Variants in PLXNA4 observed in about 807,000 individuals in gnomAD.
PLXNA4 encodes the protein plexin A4.
Under a neutral mutation model 191.8 loss-of-function variants are expected in PLXNA4, and 44 were observed. The observed-to-expected ratio is 0.23, with a 90% CI of 0.18 to 0.29. PLXNA4 has a LOEUF of 0.29. Among genes scored for constraint, PLXNA4 ranks in the 10% least tolerant of loss-of-function variants. The pLI, the probability that PLXNA4 is intolerant of heterozygous loss-of-function variation, is 1.00. For synonymous variants in PLXNA4, 1,082 were observed against 1,009.5 expected (o/e 1.07, Z -1.36); for missense variants, 1,800 against 2,488.8 (o/e 0.72, Z 5.89).
At chr7:132,535,520 G>C (rs1799797932) in intron 1 of PLXNA4, among the ~76,000 whole-genome samples, 1 of 152,148 alleles carries the variant, frequency 6.6e-6, no homozygotes, top group Non-Finnish European at 1.5e-5. Flanking sequence ...CAGCTGCAGA[G>C]TTGGGGCTCC....
intron 3 of PLXNA4, among the ~76,000 whole-genome samples, chr7:132,307,436 T>C (rs28434396): frequency 0.42 from 63,572 of 152,054 alleles, 13,446 homozygotes; most frequent in South Asian, 0.54. Flanking sequence ...ACCCTTGAAC[T>C]GTGCCACAGA....
intron 4 of PLXNA4, among the ~76,000 whole-genome samples, chr7:132,242,384 G>T (rs1189591844): frequency 1.3e-5 from 2 of 152,082 alleles, no homozygotes. Flanking sequence ...CTGTTTTATG[G>T]GGCATGTGCC....
chr7:132,137,711 G>A (rs1223997702), intron 30 of PLXNA4, among the ~76,000 whole-genome samples: 1 of 141,216 alleles, frequency 7.1e-6, no homozygotes, highest in Non-Finnish European at 1.6e-5. Context: ...TGGGTGGGGA[G>A]ATGGTGGGAG....
At chr7:132,402,914 GTGT>G in intron 3 of PLXNA4, among the ~76,000 whole-genome samples, 1 of 152,372 alleles carries the variant, frequency 6.6e-6, no homozygotes, top group South Asian at 2.1e-4. Context: ...CAGAGAGCTA[GTGT>G]TGAAGAGCTC....
chr7:132,221,574 G>A (rs1344420342), intron 9 of PLXNA4, among the ~76,000 whole-genome samples: 1 of 152,192 alleles, frequency 6.6e-6, no homozygotes, highest in Non-Finnish European at 1.5e-5. Flanking sequence ...AGACTGTGCA[G>A]CCTTTTATCA....
At chr7:132,159,360 C>T in intron 25 of PLXNA4, 113 bp downstream of exon 25, 1 of 1,504,534 alleles carries the variant, frequency 6.6e-7, no homozygotes. Context: ...TCCCTCCAGC[C>T]AGTGATTATT....
intron 4 of PLXNA4, among the ~76,000 whole-genome samples, chr7:132,275,404 G>A (rs190230076): frequency 1.3e-5 from 2 of 152,138 alleles, no homozygotes; most frequent in East Asian, 3.9e-4. Context: ...TTTATTACAT[G>A]TCTAGTTTCA....
rs1390697952 is a variant in PLXNA4, at chr7:132,329,019, C to T, written c.1372-30797G>A. ...GCGTGGTTCTGGCACATCGACATCACTTTTTCAAAATCCAGATTCTCGGAC... is the reference window on the plus strand; with the variant it reads ...GCGTGGTTCTGGCACATCGACATCATTTTTTCAAAATCCAGATTCTCGGAC... On this transcript the variant is annotated intron_variant, in intron 3 of 31. Coordinates refer to ENST00000321063, the MANE Select transcript of PLXNA4 (RefSeq NM_020911.2). Among the ~76,000 whole-genome samples the T allele has an allele frequency of 2.0e-5, 3 of 152,304 alleles. No homozygotes were observed. The East Asian group carries it at 5.8e-4, about 29-fold the overall frequency.
chr7:132,483,049 G>A (rs1023343351), intron 3 of PLXNA4, among the ~76,000 whole-genome samples: 24 of 152,112 alleles, frequency 1.6e-4, no homozygotes, highest in African/African-American at 4.6e-4. Context: ...GAACTGCTGC[G>A]AAAAGCAGCA....
intron 3 of PLXNA4, among the ~76,000 whole-genome samples, chr7:132,327,956 C>T (rs1802436631): frequency 6.6e-6 from 1 of 152,194 alleles, no homozygotes; most frequent in Non-Finnish European, 1.5e-5. Context: ...TGTGGGGACA[C>T]AGGTGAGCTC....
intron 4 of PLXNA4, among the ~76,000 whole-genome samples, chr7:132,253,239 T>TTTTTCTTTTTC (rs1799317716): frequency 7.3e-6 from 1 of 137,332 alleles, no homozygotes; most frequent in South Asian, 2.2e-4. Flanking sequence ...TTTCTTTTTT[T>TTTTTCTTTTTC]TTTTTTTTTT....
chr7:132,591,248 G>A (rs1802599281), intron 2 of PLXNA4, among the ~76,000 whole-genome samples: 1 of 152,184 alleles, frequency 6.6e-6, no homozygotes, highest in African/African-American at 2.4e-5. Context: ...GGGACAAGAG[G>A]GAAGAAAAGC....
At chr7:132,536,455 A>G (rs1799836268) in intron 1 of PLXNA4, among the ~76,000 whole-genome samples, 1 of 152,214 alleles carries the variant, frequency 6.6e-6, no homozygotes, top group African/African-American at 2.4e-5. Context: ...GGTCTCAACA[A>G]ATAGAACGAC....
At chr7:132,436,026 C>T (rs1191366157) in intron 3 of PLXNA4, among the ~76,000 whole-genome samples, 4 of 152,232 alleles carry the variant, frequency 2.6e-5, no homozygotes, top group Non-Finnish European at 5.9e-5. Flanking sequence ...ACAGACTTCT[C>T]CAGTTCCCAG....
intron 3 of PLXNA4, among the ~76,000 whole-genome samples, chr7:132,389,592 G>T (rs959681345): frequency 1.3e-5 from 2 of 152,140 alleles, no homozygotes; most frequent in Admixed American, 1.3e-4. Flanking sequence ...GTGTGGAATT[G>T]TTTCTGAGGC....
chr7:132,288,068 C>T (rs557067345), intron 4 of PLXNA4, among the ~76,000 whole-genome samples: 5 of 152,274 alleles, frequency 3.3e-5, no homozygotes, highest in Admixed American at 2.0e-4. Context: ...CCCCATTCCT[C>T]GTTGGAGGAG....
chr7:132,369,436 T>TTTC (rs1205248237), intron 3 of PLXNA4, among the ~76,000 whole-genome samples: 9 of 152,180 alleles, frequency 5.9e-5, no homozygotes, highest in Non-Finnish European at 1.5e-5. Context: ...ATGGCCCCTG[T>TTTC]TTCTCCACTG....
chr7:132,401,268 T>C (rs891511145), intron 3 of PLXNA4, among the ~76,000 whole-genome samples: 1 of 152,216 alleles, frequency 6.6e-6, no homozygotes, highest in Admixed American at 6.5e-5. Flanking sequence ...GGAACCCCTC[T>C]GTACAATTTA....
chr7:132,617,352 G>A (rs1803176787), intron 2 of PLXNA4, among the ~76,000 whole-genome samples: 1 of 152,040 alleles, frequency 6.6e-6, no homozygotes. Flanking sequence ...GCACTATGTG[G>A]GTAGACTTGC....
Sources: allele counts gnomAD v4.1 joint callset (sites outside exome capture counted in the v4.1 genomes callset), GRCh38; gene constraint gnomAD v4.1.1; transcripts MANE v1.5; gene names NCBI Gene and HGNC (gene_info 2026-07-23, HGNC 2026-07-21).